The following KCTD1 variants were observed in gnomAD, a reference collection of about 807,000 sequenced individuals.
KCTD1 encodes the protein BTB/POZ domain-containing protein KCTD1.
KCTD1 carries 24 observed loss-of-function variants against 66.0 expected under a neutral mutation model. That is an observed-to-expected ratio of 0.36 (90% CI 0.26 to 0.51). The LOEUF is 0.51. Ranked by LOEUF, KCTD1 falls within the 20% of genes least tolerant of loss-of-function variation. KCTD1 has a pLI of 0.95. For synonymous variants in KCTD1, 511 were observed against 517.2 expected (o/e 0.99, Z 0.16); for missense variants, 943 against 1,205.2 (o/e 0.78, Z 3.22).
intron 1 of KCTD1, among the ~76,000 whole-genome samples, chr18:26,507,565 G>A (rs1406886216): frequency 1.3e-5 from 2 of 151,994 alleles, no homozygotes; most frequent in African/African-American, 4.8e-5. Context: ...TTGTAGAGAT[G>A]GGGACTTGCT....
At chr18:26,643,832 G>A (rs1451983348), upstream of KCTD1, among the ~76,000 whole-genome samples, 1 of 152,102 alleles carries the variant, frequency 6.6e-6, no homozygotes, top group South Asian at 2.1e-4. Flanking sequence ...CTTGGTGGCG[G>A]GTGCCTGTAG....
chr18:26,511,165 A>G (rs1983309709), intron 1 of KCTD1, among the ~76,000 whole-genome samples: 1 of 152,230 alleles, frequency 6.6e-6, no homozygotes, highest in Non-Finnish European at 1.5e-5. Flanking sequence ...CATTTTTAAG[A>G]GGTCAGAATA....
At chr18:26,628,619 CCT>C (rs1491514615) in intron 1 of KCTD1, among the ~76,000 whole-genome samples, 1 of 152,012 alleles carries the variant, frequency 6.6e-6, no homozygotes, top group East Asian at 1.9e-4. Context: ...GTGAAATCCC[CCT>C]TTTTTTGCCC....
intron 1 of KCTD1, among the ~76,000 whole-genome samples, chr18:26,593,893 A>AGGG (rs1986706068): frequency 1.3e-5 from 2 of 150,510 alleles, no homozygotes; most frequent in Admixed American, 6.6e-5. Flanking sequence ...AAGGAGGAGG[A>AGGG]GGAGGAAGAT....
Position 26,548,271 on chromosome 18 carries a change from TCGTCCTCCTCCAGCCCCCCACCTC to T in KCTD1, c.242_265del (p.Gly81_Asp88del), listed in dbSNP as rs761847856. ...CATCTCCTCCTCTTCCTCCTCCTCC[TCGTCCTCCTCCAGCCCCCCACCTC>T]CGTCCTCCTCCTCCTCCTCGTCCCC... On this transcript the variant is annotated inframe_deletion, in exon 1 of 5. Coordinates refer to ENST00000580059, the MANE Select transcript of KCTD1 (RefSeq NM_001142730.3). 9.9e-5 allele frequency: 150 copies of T among 1,512,480 alleles called. No homozygotes were observed. Among genetic ancestry groups the T allele is most frequent in the Non-Finnish European group, 1.2e-4 (139 of 1,134,000 alleles). The allele number at this position is 1,512,480 out of a possible 1,614,324, so 93.7% of individuals were successfully genotyped here. A position where few individuals can be genotyped will look rare whatever the true frequency, so the allele number is the denominator to read the frequency against.
At chr18:26,500,398 C>T (rs940691573) in intron 2 of KCTD1, among the ~76,000 whole-genome samples, 21 of 151,870 alleles carry the variant, frequency 1.4e-4, no homozygotes, top group African/African-American at 2.9e-4. Flanking sequence ...CCAGCCTGGG[C>T]GACAGAACAA....
At chr18:26,570,381 C>T (rs1328472128) in intron 1 of KCTD1, among the ~76,000 whole-genome samples, 1 of 151,836 alleles carries the variant, frequency 6.6e-6, no homozygotes, top group Non-Finnish European at 1.5e-5. Flanking sequence ...AAGGATGTTC[C>T]AGTTTTACTA....
chr18:26,498,195 C>T (rs764303810), intron 2 of KCTD1, among the ~76,000 whole-genome samples: 5 of 152,056 alleles, frequency 3.3e-5, no homozygotes, highest in Non-Finnish European at 4.4e-5. Flanking sequence ...GCATCCAATC[C>T]GAGAACCAAT....
intron 2 of KCTD1, among the ~76,000 whole-genome samples, chr18:26,480,638 C>T (rs1194102074): frequency 1.3e-5 from 2 of 152,028 alleles, no homozygotes; most frequent in African/African-American, 2.4e-5. Context: ...CGTGGTGGCA[C>T]GCACCTGTAA....
chr18:26,505,468 C>A (rs1479414091), intron 1 of KCTD1, among the ~76,000 whole-genome samples: 1 of 152,254 alleles, frequency 6.6e-6, no homozygotes, highest in East Asian at 1.9e-4. Context: ...AGACGAAGAA[C>A]CCGGGAGAGG....
At chr18:26,480,910 CTG>C (rs2144615289) in intron 2 of KCTD1, among the ~76,000 whole-genome samples, 1 of 152,314 alleles carries the variant, frequency 6.6e-6, no homozygotes, top group African/African-American at 2.4e-5. Context: ...GCTGTCCACA[CTG>C]TGCATTAAAG....
intron 1 of KCTD1, among the ~76,000 whole-genome samples, chr18:26,507,968 T>C (rs978223106): frequency 4.1e-4 from 63 of 152,144 alleles, no homozygotes; most frequent in African/African-American, 1.5e-3. Flanking sequence ...TAAGTTCTAT[T>C]AAATAAAAAT....
intron 2 of KCTD1, among the ~76,000 whole-genome samples, chr18:26,499,994 T>C (rs750399133): frequency 1.3e-5 from 2 of 152,132 alleles, no homozygotes; most frequent in South Asian, 2.1e-4. Flanking sequence ...AAATGGGTGG[T>C]TGGGGCAAGG....
intron 1 of KCTD1, among the ~76,000 whole-genome samples, chr18:26,541,469 T>C (rs925306198): frequency 6.6e-6 from 1 of 152,212 alleles, no homozygotes; most frequent in Non-Finnish European, 1.5e-5. Context: ...ATTTATGATA[T>C]CCACCCCTGC....
upstream of KCTD1, among the ~76,000 whole-genome samples, chr18:26,642,787 G>A (rs17607310): frequency 0.021 from 3,032 of 144,128 alleles, 33 homozygotes; most frequent in Middle Eastern, 0.036. Flanking sequence ...TCCATTCTAC[G>A]TTTTGTAATG....
intron 1 of KCTD1, among the ~76,000 whole-genome samples, chr18:26,522,833 T>A (rs767513890): frequency 6.6e-6 from 1 of 152,190 alleles, no homozygotes; most frequent in African/African-American, 2.4e-5. Context: ...ATAAATATCA[T>A]TTTCTGATAT....
chr18:26,525,350 G>A (rs920438442), intron 1 of KCTD1, among the ~76,000 whole-genome samples: 10 of 152,102 alleles, frequency 6.6e-5, no homozygotes, highest in African/African-American at 9.7e-5. Flanking sequence ...ATCTGCTGGC[G>A]GAACAAATCT....
chr18:26,654,557 G>A (rs1265233817), intron 1 of KCTD1, among the ~76,000 whole-genome samples: 3 of 152,186 alleles, frequency 2.0e-5, no homozygotes. Flanking sequence ...TCTAGTGTGT[G>A]TTGGAGAACT....
chr18:26,654,831 T>C (rs1476109811), intron 1 of KCTD1, among the ~76,000 whole-genome samples: 1 of 152,222 alleles, frequency 6.6e-6, no homozygotes, highest in African/African-American at 2.4e-5. Flanking sequence ...ACTGTCATCA[T>C]AACCACTGCT....
Sources: gnomAD v4.1 joint callset for allele counts (sites outside exome capture counted in the v4.1 genomes callset) on GRCh38, gnomAD v4.1.1 for gene constraint, MANE v1.5 for transcripts, NCBI Gene and HGNC (gene_info 2026-07-23, HGNC 2026-07-21) for gene names.